DPP10: variants seen among roughly 807,000 people sequenced by gnomAD.
The protein encoded by DPP10 is inactive dipeptidyl peptidase 10.
In DPP10, 33 loss-of-function variants were observed where a neutral mutation model predicts 120.9. The observed-to-expected ratio is 0.27, with a 90% CI of 0.21 to 0.37. The LOEUF (loss-of-function observed/expected upper bound fraction) is 0.37. DPP10 is among the 10% of genes least tolerant of loss of function. The pLI is 1.00. For synonymous variants in DPP10, 337 were observed against 326.1 expected (o/e 1.03, Z -0.36); for missense variants, 816 against 942.8 (o/e 0.87, Z 1.76).
At chr2:115,490,129 A>G (rs540685683) in intron 3 of DPP10, among the ~76,000 whole-genome samples, 3 of 152,102 alleles carry the variant, frequency 2.0e-5, no homozygotes, top group African/African-American at 4.8e-5. Flanking sequence ...GTATTTATTT[A>G]TAGTTGTATT....
At chr2:115,030,029 T>C (rs553112545) in intron 1 of DPP10, among the ~76,000 whole-genome samples, 1 of 152,294 alleles carries the variant, frequency 6.6e-6, no homozygotes, top group South Asian at 2.1e-4. Context: ...TATAAACTCA[T>C]GCTGCTTTCA....
intron 5 of DPP10, among the ~76,000 whole-genome samples, chr2:115,528,525 C>T (rs569162354): frequency 7.2e-5 from 11 of 151,742 alleles, no homozygotes; most frequent in Middle Eastern, 3.4e-3. Context: ...TCATTTATCC[C>T]GGATACATAA....
At chr2:114,821,896 A>G (rs927258324) in intron 1 of DPP10, among the ~76,000 whole-genome samples, 6 of 152,156 alleles carry the variant, frequency 3.9e-5, no homozygotes, top group Non-Finnish European at 8.8e-5. Context: ...GTGGTTTTGC[A>G]GAGTACAGCT....
intron 13 of DPP10, among the ~76,000 whole-genome samples, chr2:115,774,240 A>C (rs999210041): frequency 6.8e-6 from 1 of 146,222 alleles, no homozygotes; most frequent in African/African-American, 2.5e-5. Flanking sequence ...ACACACACAC[A>C]CCAAAATACT....
intron 1 of DPP10, chr2:115,162,219 G>A (rs1253967545): frequency 1.3e-6 from 2 of 1,558,540 alleles, no homozygotes; most frequent in African/African-American, 1.4e-5. Flanking sequence ...GTGCGCTCCG[G>A]GGCCCGGCGA....
chr2:114,656,936 A>G (rs1047933494), intron 1 of DPP10, among the ~76,000 whole-genome samples: 10 of 152,178 alleles, frequency 6.6e-5, no homozygotes, highest in Admixed American at 6.5e-5. Flanking sequence ...AATAAAAATA[A>G]AAAATAAGAT....
chr2:114,614,196 C>T (rs1399953626), intron 1 of DPP10, among the ~76,000 whole-genome samples: 1 of 152,118 alleles, frequency 6.6e-6, no homozygotes, highest in African/African-American at 2.4e-5. Flanking sequence ...TCATACTTCA[C>T]CAGACTGATT....
intron 1 of DPP10, among the ~76,000 whole-genome samples, chr2:114,659,880 G>A (rs1472607366): frequency 2.0e-5 from 3 of 152,188 alleles, no homozygotes; most frequent in Non-Finnish European, 4.4e-5. Context: ...AGAAACTGAT[G>A]CAGCTACCAG....
At chr2:115,534,701 G>A (rs957639973) in intron 5 of DPP10, among the ~76,000 whole-genome samples, 16 of 150,088 alleles carry the variant, frequency 1.1e-4, no homozygotes, top group African/African-American at 3.2e-4. Context: ...GTTCCACAAT[G>A]GTTGAACTAG....
intron 1 of DPP10, among the ~76,000 whole-genome samples, chr2:115,020,205 A>T (rs983408067): frequency 6.6e-6 from 1 of 152,200 alleles, no homozygotes; most frequent in African/African-American, 2.4e-5. Context: ...TCCACTTAAG[A>T]TACAGAATGG....
At chr2:114,890,403 C>T (rs761440884) in intron 1 of DPP10, among the ~76,000 whole-genome samples, 20 of 152,108 alleles carry the variant, frequency 1.3e-4, no homozygotes, top group African/African-American at 3.1e-4. Context: ...ACCCACTAAT[C>T]GCCTTTCCCC....
At chr2:114,462,879 T>C (rs1445631544) in intron 1 of DPP10, among the ~76,000 whole-genome samples, 1 of 152,206 alleles carries the variant, frequency 6.6e-6, no homozygotes, top group Non-Finnish European at 1.5e-5. Flanking sequence ...TTGACTTTAT[T>C]CAATCACATA....
At chr2:114,443,131 C>A (rs1040550367) in intron 1 of DPP10, among the ~76,000 whole-genome samples, 16 of 151,874 alleles carry the variant, frequency 1.1e-4, no homozygotes, top group Non-Finnish European at 1.3e-4. Flanking sequence ...GTTTCCAGTC[C>A]ATGCCAATTT....
chr2:114,708,131 T>C (rs565415789), intron 1 of DPP10, among the ~76,000 whole-genome samples: 3 of 152,244 alleles, frequency 2.0e-5, no homozygotes, highest in African/African-American at 7.2e-5. Flanking sequence ...TATTCAAGGA[T>C]AGGCAGCTAA....
chr2:114,473,210 G>C (rs551414534), intron 1 of DPP10, among the ~76,000 whole-genome samples: 1 of 152,192 alleles, frequency 6.6e-6, no homozygotes, highest in East Asian at 1.9e-4. Context: ...ACAATAGAAG[G>C]CATTTAAGAG....
intron 1 of DPP10, among the ~76,000 whole-genome samples, chr2:115,121,353 AAGG>A (rs1404525069): frequency 6.6e-6 from 1 of 152,174 alleles, no homozygotes; most frequent in East Asian, 1.9e-4. Context: ...TTGCTTAGAG[AAGG>A]AGATTAGCAC....
chr2:114,525,490 C>G (rs949722927), intron 1 of DPP10, among the ~76,000 whole-genome samples: 4 of 152,238 alleles, frequency 2.6e-5, no homozygotes, highest in African/African-American at 9.6e-5. Flanking sequence ...AAGCAATTCT[C>G]CATGTATTAT....
intron 3 of DPP10, among the ~76,000 whole-genome samples, chr2:115,347,139 A>G (rs1277322435): frequency 1.3e-5 from 2 of 152,184 alleles, no homozygotes; most frequent in African/African-American, 2.4e-5. Context: ...TTAGAAATGA[A>G]GAATCAAAGG....
chr2:114,581,968 C>T (rs1254602645), intron 1 of DPP10, among the ~76,000 whole-genome samples: 6 of 152,140 alleles, frequency 3.9e-5, no homozygotes, highest in Non-Finnish European at 5.9e-5. Context: ...ACATCATTAT[C>T]GTCCAAACTA....
Sources: gnomAD v4.1 joint callset for allele counts (sites outside exome capture counted in the v4.1 genomes callset) on GRCh38, gnomAD v4.1.1 for gene constraint, MANE v1.5 for transcripts, NCBI Gene and HGNC (gene_info 2026-07-23, HGNC 2026-07-21) for gene names.